Variants in STARD9 observed in about 807,000 individuals in gnomAD.
STARD9 encodes StAR related lipid transfer domain containing 9, also known as stAR-related lipid transfer protein 9.
A neutral mutation model predicts 399.8 loss-of-function variants in STARD9; 346 were observed. That is an observed-to-expected ratio of 0.87 (90% confidence interval 0.79 to 0.95). The LOEUF is 0.95. STARD9 is among the 40% of genes least tolerant of loss of function. The pLI, the probability that STARD9 is intolerant of heterozygous loss-of-function variation, is 0.00. For synonymous variants in STARD9, 2,203 were observed against 2,143.5 expected (o/e 1.03, Z -0.77); for missense variants, 5,832 against 5,667.5 (o/e 1.03, Z -0.93).
rs1394093836 is a variant in STARD9 at position 42,674,462 on chromosome 15, G to A, written c.1520G>A (p.Arg507Lys). 9 of 1,537,022 alleles carry A rather than the reference G, an allele frequency of 5.9e-6. No individual in the cohort carries two copies. The highest frequency in any genetic ancestry group is 7.8e-6 in the Non-Finnish European group (9 of 1,146,848). ...TAGGAAGGGACAACAAAAATAGGAA[G>A]GATTGACTCAGACCAGGAACAGGAC... ...HLKEGTTKIG[R>K]IDSDQEQDIV... The change falls in exon 17 of 33, where the codon AGG becomes AAG. Residue 507 changes from arginine (R) to lysine (K), a missense_variant. Physicochemically the swap from Arg to Lys is conservative, Grantham distance 26. Transcript: ENST00000290607.
intron 3 of STARD9, among the ~76,000 whole-genome samples, chr15:42,593,426 C>T (rs2058438866): frequency 6.6e-6 from 1 of 151,940 alleles, no homozygotes; most frequent in African/African-American, 2.4e-5. Context: ...ACTGAGTCAA[C>T]AAAAATCATG....
intron 1 of STARD9, among the ~76,000 whole-genome samples, chr15:42,579,534 A>C (rs2058125191): frequency 6.6e-6 from 1 of 152,216 alleles, no homozygotes; most frequent in Admixed American, 6.5e-5. Flanking sequence ...TCTTTGATGT[A>C]AATTTGTAAA....
intron 28 of STARD9, 101 bp downstream of exon 28, chr15:42,717,149 C>G: frequency 7.4e-7 from 1 of 1,350,450 alleles, no homozygotes; most frequent in Non-Finnish European, 1.0e-6. Flanking sequence ...GATGAGGAGC[C>G]CAAGGCTTGT....
At chr15:42,643,453 C>T (rs1271278090) in intron 7 of STARD9, among the ~76,000 whole-genome samples, 1 of 152,110 alleles carries the variant, frequency 6.6e-6, no homozygotes, top group Non-Finnish European at 1.5e-5. Context: ...GCCTTGGCCT[C>T]CCAAAGTGTT....
rs369780056 is a variant in STARD9, at chr15:42,638,912, TC to T, written c.559+101del. 41 of 631,876 alleles carry T rather than the reference TC, an allele frequency of 6.5e-5. No individual in the cohort carries two copies. The African/African-American group carries it at 7.1e-4, about 11-fold the overall frequency. The allele number at this position is 631,876 out of a possible 1,614,324, so 39.1% of individuals were successfully genotyped here. ...TGAACATAGGTGTAATGAACACTTA[TC>T]GTGTGCCAGCTACTGTACTAGACAC... On this transcript the variant is annotated intron_variant, in intron 7 of 32. Transcript: ENST00000290607.
intron 26 of STARD9, among the ~76,000 whole-genome samples, chr15:42,697,152 CT>C (rs926476801): frequency 1.3e-5 from 2 of 152,182 alleles, no homozygotes; most frequent in Non-Finnish European, 2.9e-5. Flanking sequence ...GTATATACAT[CT>C]TTTTGTAAAG....
Position 42,694,638 on chromosome 15 carries a change from A to G in STARD9, c.12875A>G (p.Lys4292Arg). 1 of 1,537,132 alleles carries G rather than the reference A, an allele frequency of 6.5e-7. No homozygotes were observed. Among genetic ancestry groups the G allele is most frequent in the Non-Finnish European group, 8.7e-7 (1 of 1,146,880 alleles). Reference protein sequence around the residue: ...PQKQLSLLPNKDLFIWDLDLP... With the variant: ...PQKQLSLLPNRDLFIWDLDLP... ...AAACAACTGAGCCTCCTGCCCAACA[A>G]AGATCTCTTCATCTGGGATCTTGAC... is the stretch of plus-strand genomic sequence containing the variant. The change falls in exon 24 of 33, where the codon AAA becomes AGA. Residue 4292 changes from lysine to arginine, a missense_variant. Coordinates refer to ENST00000290607, the MANE Select transcript of STARD9 (RefSeq NM_020759.3).
intron 1 of STARD9, among the ~76,000 whole-genome samples, chr15:42,581,674 G>A (rs531344825): frequency 1.2e-4 from 19 of 152,278 alleles, no homozygotes; most frequent in African/African-American, 3.8e-4. Context: ...AGCCTCAGCA[G>A]CAGCAGCAGC....
intron 3 of STARD9, among the ~76,000 whole-genome samples, chr15:42,602,098 C>G (rs1035003135): frequency 6.6e-6 from 1 of 152,230 alleles, no homozygotes; most frequent in African/African-American, 2.4e-5. Flanking sequence ...ATCCACCCAC[C>G]TCAGCCTCCC....
At chr15:42,708,308 C>T (rs1354384481) in intron 26 of STARD9, among the ~76,000 whole-genome samples, 1 of 152,134 alleles carries the variant, frequency 6.6e-6, no homozygotes, top group East Asian at 1.9e-4. Context: ...AAACTATGGC[C>T]CTTTGGCCAG....
rs1051596938 is a variant in STARD9, at chr15:42,576,448, T to C, written c.47+686T>C. Among the ~76,000 whole-genome samples, 6 of 152,192 alleles carry C rather than the reference T, an allele frequency of 3.9e-5. No homozygotes were observed. In the East Asian group the frequency reaches 7.7e-4, roughly 20 times the overall value. On this transcript the variant is annotated intron_variant, in intron 1 of 32. Coordinates refer to ENST00000290607, the MANE Select transcript of STARD9 (RefSeq NM_020759.3). ...TTCTCTTTGTCACCAGATGAAGTGTTTTTTAAAGATCAATTAGAGTTTGTT... is the reference window on the plus strand; with the variant it reads ...TTCTCTTTGTCACCAGATGAAGTGTCTTTTAAAGATCAATTAGAGTTTGTT...
chr15:42,643,726 G>A (rs1354117314), intron 7 of STARD9, among the ~76,000 whole-genome samples: 1 of 152,014 alleles, frequency 6.6e-6, no homozygotes, highest in Admixed American at 6.6e-5. Flanking sequence ...TCAAACTCCT[G>A]ACCTTGTGAT....
chr15:42,601,489 G>C lies in STARD9; in HGVS notation c.234+15852G>C, dbSNP rs1042663199. The stretch of plus-strand genomic sequence containing the variant: ...CCCAGACGGGGCGGCGGCCGGGCGG[G>C]GGCTGCCCCCCACCTCCCGGATGGG... On this transcript the variant is annotated intron_variant, in intron 3 of 32. Transcript: ENST00000290607. Among the ~76,000 whole-genome samples the C allele has an allele frequency of 2.9e-4, 43 of 150,696 alleles. No homozygotes were observed. The East Asian group carries it at 7.8e-3, about 27-fold the overall frequency.
At chr15:42,580,015 C>G (rs2058135708) in intron 1 of STARD9, among the ~76,000 whole-genome samples, 1 of 152,098 alleles carries the variant, frequency 6.6e-6, no homozygotes, top group African/African-American at 2.4e-5. Context: ...ACTCTGCCAG[C>G]AACAAGATGC....
At chr15:42,617,472 C>T (rs757216239) in intron 3 of STARD9, among the ~76,000 whole-genome samples, 4 of 151,774 alleles carry the variant, frequency 2.6e-5, no homozygotes, top group Non-Finnish European at 5.9e-5. Flanking sequence ...AAGGGATTCT[C>T]CTGCCTCAGT....
intron 3 of STARD9, among the ~76,000 whole-genome samples, chr15:42,624,360 C>T (rs1453672053): frequency 6.6e-6 from 1 of 151,966 alleles, no homozygotes; most frequent in African/African-American, 2.4e-5. Context: ...CAAGGTTCAG[C>T]TTAGTATCCT....
chr15:42,695,956 C>G, intron 26 of STARD9, 76 bp downstream of exon 26: 1 of 1,453,372 alleles, frequency 6.9e-7, no homozygotes, highest in South Asian at 1.4e-5. Context: ...CGCTGTGCCT[C>G]CTGGAGTTTG....
At chr15:42,674,601 T>G in intron 17 of STARD9, 110 bp downstream of exon 17, 1 of 1,240,964 alleles carries the variant, frequency 8.1e-7, no homozygotes, top group Non-Finnish European at 1.1e-6. Context: ...ATTGGCGTAT[T>G]CAGGGCCTGC....
chr15:42,633,889 C>T (rs2059376041), intron 3 of STARD9, among the ~76,000 whole-genome samples: 2 of 151,946 alleles, frequency 1.3e-5, no homozygotes, highest in African/African-American at 2.4e-5. Flanking sequence ...GGTGATCCAC[C>T]CACCTCATCC....
Sources: allele counts gnomAD v4.1 joint callset (sites outside exome capture counted in the v4.1 genomes callset), GRCh38; gene constraint gnomAD v4.1.1; transcripts MANE v1.5; gene names NCBI Gene and HGNC (gene_info 2026-07-23, HGNC 2026-07-21).